Variants in CDH11 observed in about 807,000 individuals in gnomAD.
CDH11 encodes the protein cadherin 11, also known as cadherin-11.
Under a neutral mutation model 67.8 loss-of-function variants are expected in CDH11, and 11 were observed. The observed-to-expected ratio is 0.16, with a 90% CI of 0.10 to 0.27. The LOEUF is 0.27. CDH11 is among the 10% of genes least tolerant of loss of function. The pLI, the probability that CDH11 is intolerant of heterozygous loss-of-function variation, is 1.00. For synonymous variants in CDH11, 419 were observed against 400.0 expected (o/e 1.05, Z -0.57); for missense variants, 847 against 1,031.2 (o/e 0.82, Z 2.45).
At chr16:65,017,027 A>C (rs1051659050) in intron 2 of CDH11, among the ~76,000 whole-genome samples, 3 of 152,166 alleles carry the variant, frequency 2.0e-5, no homozygotes, top group Non-Finnish European at 2.9e-5. Flanking sequence ...TATAATTAGC[A>C]AATAATGAGC....
At chr16:65,106,030 T>C (rs1013536495) in intron 1 of CDH11, among the ~76,000 whole-genome samples, 1 of 152,210 alleles carries the variant, frequency 6.6e-6, no homozygotes, top group Non-Finnish European at 1.5e-5. Flanking sequence ...TGAGTTTCCA[T>C]GAGCCTACTA....
At chr16:64,992,202 C>A (rs2072644856) in intron 5 of CDH11, among the ~76,000 whole-genome samples, 1 of 152,164 alleles carries the variant, frequency 6.6e-6, no homozygotes, top group African/African-American at 2.4e-5. Flanking sequence ...GATATAAACA[C>A]CCTAAAGACT....
At chr16:65,052,424 A>G (rs1276424275) in intron 2 of CDH11, among the ~76,000 whole-genome samples, 1 of 152,200 alleles carries the variant, frequency 6.6e-6, no homozygotes, top group Non-Finnish European at 1.5e-5. Context: ...AGTCCAAGCT[A>G]AGATATAAAA....
In CDH11 at chr16:64,985,757, AG is replaced by A. The variant is rs2072471602; in HGVS notation, c.999+2399del. ...AGCACGTGCTTAATGACCTTTAGTG[AG>A]GGGAAGCCTGGGATACTAGATACTA... On this transcript the variant is annotated intron_variant, in intron 7 of 12. Coordinates refer to ENST00000268603, the MANE Select transcript of CDH11 (RefSeq NM_001797.4). 3 of 148,008 alleles carry A rather than the reference AG, an allele frequency of 2.0e-5. No individual in the cohort carries two copies. The South Asian group carries it at 6.8e-4, about 33-fold the overall frequency. 9.2% of individuals were successfully genotyped at this position (148,008 alleles called of 1,614,324 possible).
chr16:65,029,104 AAAAT>A (rs1168148232), intron 2 of CDH11, among the ~76,000 whole-genome samples: 1 of 152,184 alleles, frequency 6.6e-6, no homozygotes, highest in Non-Finnish European at 1.5e-5. Flanking sequence ...TAACCACAAT[AAAAT>A]AAACTTTTTT....
At chr16:64,990,222 C>T (rs1040992893) in intron 6 of CDH11, among the ~76,000 whole-genome samples, 12 of 152,156 alleles carry the variant, frequency 7.9e-5, no homozygotes, top group African/African-American at 2.2e-4. Flanking sequence ...TCTTTTCCAG[C>T]TCACCAGACA....
rs532577938 is a variant in CDH11, at chr16:64,945,889, G to T, written c.*1714C>A. ...GTCTGCAATCCAAGAAAAAGCACGTGCCCTGTGTGTAGGGGGAAAGAGGGA... is the reference window on the plus strand; with the variant it reads ...GTCTGCAATCCAAGAAAAAGCACGTTCCCTGTGTGTAGGGGGAAAGAGGGA... On this transcript the variant is annotated 3_prime_UTR_variant, in exon 13 of 13. Coordinates refer to ENST00000268603, the MANE Select transcript of CDH11 (RefSeq NM_001797.4). 9.5e-6 allele frequency: 10 copies of T among 1,057,534 alleles called. No homozygotes were observed. In the African/African-American group the frequency reaches 1.6e-4, roughly 17 times the overall value. 65.5% of individuals were successfully genotyped at this position (1,057,534 alleles called of 1,614,324 possible).
chr16:65,015,244 A>AT (rs948091920), intron 2 of CDH11, among the ~76,000 whole-genome samples: 4 of 151,826 alleles, frequency 2.6e-5, no homozygotes, highest in African/African-American at 9.7e-5. Flanking sequence ...TTAGCTACCA[A>AT]TGTTCTTGCA....
intron 1 of CDH11, among the ~76,000 whole-genome samples, chr16:65,113,074 T>A (rs1328607316): frequency 6.6e-6 from 1 of 151,982 alleles, no homozygotes; most frequent in Non-Finnish European, 1.5e-5. Context: ...GATCATAAGG[T>A]CAGAATTTCG....
intron 1 of CDH11, among the ~76,000 whole-genome samples, chr16:65,093,194 T>G (rs2074823678): frequency 1.4e-5 from 2 of 147,886 alleles, no homozygotes; most frequent in African/African-American, 2.5e-5. Flanking sequence ...TGCCTTGGCC[T>G]CCCAGTGTTG....
intron 4 of CDH11, 30 bp from the exon 5 acceptor site, chr16:64,993,064 A>G: frequency 6.3e-7 from 1 of 1,576,840 alleles, no homozygotes; most frequent in South Asian, 1.1e-5. Flanking sequence ...AATTAGCAAC[A>G]TCTCCTCAGA....
chr16:65,109,508 C>T (rs1485076806), intron 1 of CDH11, among the ~76,000 whole-genome samples: 1 of 152,196 alleles, frequency 6.6e-6, no homozygotes, highest in Non-Finnish European at 1.5e-5. Context: ...TGGGCCAACA[C>T]AGAGGCTATA....
intron 4 of CDH11, among the ~76,000 whole-genome samples, chr16:64,994,328 T>G (rs992758898): frequency 7.9e-5 from 12 of 152,220 alleles, no homozygotes; most frequent in Admixed American, 6.5e-4. Context: ...CTTAATTTCC[T>G]TCTAGAACTC....
intron 1 of CDH11, chr16:65,072,256 C>G (rs1322917779): frequency 6.6e-6 from 1 of 152,590 alleles, no homozygotes; most frequent in East Asian, 1.9e-4. Flanking sequence ...CCTGGCACTG[C>G]CAGCAGCCCT....
intron 1 of CDH11, among the ~76,000 whole-genome samples, chr16:65,088,163 T>G (rs1013083451): frequency 3.3e-5 from 5 of 152,156 alleles, no homozygotes; most frequent in African/African-American, 1.2e-4. Context: ...TTCAGCCACA[T>G]GAAGACACAG....
intron 2 of CDH11, among the ~76,000 whole-genome samples, chr16:65,029,974 C>A (rs1259091370): frequency 6.6e-6 from 1 of 152,136 alleles, no homozygotes; most frequent in Non-Finnish European, 1.5e-5. Flanking sequence ...CCAACTCTAG[C>A]AATGCTAAGA....
Position 64,947,406 on chromosome 16 carries a change from C to T in CDH11, c.*197G>A. ...AGTTGATAAACAACTTCAATATTTG[C>T]CTTTTTGTGAGAAAAGGTATTTCAC... On this transcript the variant is annotated 3_prime_UTR_variant, in exon 13 of 13. Transcript: ENST00000268603. The T allele has an allele frequency of 1.5e-6, 2 of 1,328,014 alleles. No homozygotes were observed. The highest frequency in any genetic ancestry group is 1.9e-6 in the Non-Finnish European group (2 of 1,040,812). 82.3% of individuals were successfully genotyped at this position (1,328,014 alleles called of 1,614,324 possible).
At chr16:64,997,299 C>CT (rs1379020292) in intron 4 of CDH11, among the ~76,000 whole-genome samples, 1 of 40,408 alleles carries the variant, frequency 2.5e-5, no homozygotes, top group Non-Finnish European at 6.2e-5. Context: ...GACTCTGTCT[C>CT]AAAATAAATA....
chr16:65,091,845 G>T (rs1242602040), intron 1 of CDH11, among the ~76,000 whole-genome samples: 1 of 152,096 alleles, frequency 6.6e-6, no homozygotes, highest in East Asian at 1.9e-4. Flanking sequence ...CCTAGCCTCA[G>T]TTCCCTATTT....
Sources: allele counts gnomAD v4.1 joint callset (sites outside exome capture counted in the v4.1 genomes callset), GRCh38; gene constraint gnomAD v4.1.1; transcripts MANE v1.5; gene names NCBI Gene and HGNC (gene_info 2026-07-23, HGNC 2026-07-21).